Variants in TENM1 observed in about 807,000 individuals in gnomAD.
TENM1 encodes teneurin transmembrane protein 1, also known as teneurin-1.
A neutral mutation model predicts 174.8 loss-of-function variants in TENM1; 35 were observed. That is an observed-to-expected ratio of 0.20 (90% confidence interval 0.15 to 0.27). The LOEUF (loss-of-function observed/expected upper bound fraction) is 0.27, where lower values mean the gene tolerates loss of function less well. Among genes scored for constraint, TENM1 ranks in the 10% least tolerant of loss-of-function variants. TENM1 has a pLI of 1.00. For synonymous variants in TENM1, 781 were observed against 798.7 expected (o/e 0.98, Z 0.37); for missense variants, 1,633 against 2,130.1 (o/e 0.77, Z 4.59).
chrX:124,584,329 C>T (rs1444086644), intron 11 of TENM1, among the ~76,000 whole-genome samples: 3 of 109,980 alleles, frequency 2.7e-5, no homozygotes, highest in Admixed American at 9.6e-5. Context: ...AGACTAACAG[C>T]GGATCTCTCG....
At chrX:124,441,493 A>G (rs1378438005) in intron 23 of TENM1, among the ~76,000 whole-genome samples, 1 of 112,260 alleles carries the variant, frequency 8.9e-6, no homozygotes, top group Non-Finnish European at 1.9e-5. Context: ...GTTGATGTAG[A>G]TTGAGCTCCC....
At chrX:124,975,909 T>G in the TENM1 span, among the ~76,000 whole-genome samples, 1 of 111,232 alleles carries the variant, frequency 9.0e-6, no homozygotes, top group Non-Finnish European at 1.9e-5. Flanking sequence ...CCCAACTTTA[T>G]GACAAAATAG....
intron 27 of TENM1, among the ~76,000 whole-genome samples, chrX:124,393,351 G>T (rs1603248471): frequency 9.0e-6 from 1 of 110,844 alleles, no homozygotes; most frequent in South Asian, 3.8e-4. Flanking sequence ...AGTAACTTCT[G>T]CTATGGGTAG....
intron 3 of TENM1, among the ~76,000 whole-genome samples, chrX:124,811,028 C>T (rs768628095): frequency 9.0e-6 from 1 of 111,058 alleles, no homozygotes; most frequent in African/African-American, 3.3e-5. Context: ...TACCTCATAC[C>T]ATATAGGGAA....
At chrX:125,085,086 T>G in the TENM1 span, among the ~76,000 whole-genome samples, 2 of 110,342 alleles carry the variant, frequency 1.8e-5, no homozygotes, top group Non-Finnish European at 3.8e-5. Context: ...CAAGGAATAG[T>G]GACTCTCTAG....
intron 11 of TENM1, among the ~76,000 whole-genome samples, chrX:124,574,483 C>T (rs755404124): frequency 2.7e-5 from 3 of 111,219 alleles, no homozygotes; most frequent in Admixed American, 9.6e-5. Context: ...AAAGACACCT[C>T]TGATGTAAAA....
intron 1 of TENM1, among the ~76,000 whole-genome samples, chrX:124,930,050 T>C (rs1290121387): frequency 9.1e-6 from 1 of 109,587 alleles, no homozygotes; most frequent in Non-Finnish European, 1.9e-5. Context: ...TAACCTCTAT[T>C]TCCCAGACTC....
intron 27 of TENM1, among the ~76,000 whole-genome samples, chrX:124,397,301 T>G (rs928977401): frequency 1.8e-5 from 2 of 112,315 alleles, no homozygotes. Context: ...ACTACGTTGA[T>G]CTAAAGGCAA....
the TENM1 span, among the ~76,000 whole-genome samples, chrX:124,982,149 C>T: frequency 7.2e-5 from 5 of 69,241 alleles, no homozygotes; most frequent in Non-Finnish European, 4.9e-5. Flanking sequence ...AAGTATTGCC[C>T]GAAAAGGTAA....
intron 1 of TENM1, among the ~76,000 whole-genome samples, chrX:124,915,777 T>C (rs1419718660): frequency 8.9e-6 from 1 of 111,995 alleles, no homozygotes; most frequent in Non-Finnish European, 1.9e-5. Flanking sequence ...TCAGTAAATA[T>C]TCAAGTCTGG....
chrX:124,384,052 G>A, exon 30 of TENM1: 2 of 1,211,579 alleles, frequency 1.7e-6, no homozygotes, highest in African/African-American at 3.5e-5. Flanking sequence ...CCGAGCTTGT[G>A]TGGTTGTACA....
At chrX:124,681,448 AT>A (rs2052231622) in intron 5 of TENM1, among the ~76,000 whole-genome samples, 1 of 111,869 alleles carries the variant, frequency 8.9e-6, no homozygotes, top group South Asian at 3.7e-4. Flanking sequence ...AATGGGGTTG[AT>A]TCATGATCCG....
chrX:124,776,919 T>C (rs2148631408), intron 3 of TENM1, among the ~76,000 whole-genome samples: 1 of 111,419 alleles, frequency 9.0e-6, no homozygotes. Context: ...AATTTAGTTT[T>C]ATTATTTTAT....
chrX:124,444,206 T>C (rs2060941175), intron 23 of TENM1, among the ~76,000 whole-genome samples: 1 of 111,501 alleles, frequency 9.0e-6, no homozygotes, highest in African/African-American at 3.3e-5. Context: ...CTGGGAAGGA[T>C]AGTGAAAATA....
chrX:125,176,266 A>G, the TENM1 span, among the ~76,000 whole-genome samples: 1 of 111,988 alleles, frequency 8.9e-6, no homozygotes, highest in Non-Finnish European at 1.9e-5. Flanking sequence ...AACAACTTGT[A>G]TTATTCTTTA....
intron 11 of TENM1, among the ~76,000 whole-genome samples, chrX:124,603,647 C>G (rs1281753631): frequency 8.9e-6 from 1 of 111,847 alleles, no homozygotes; most frequent in East Asian, 2.8e-4. Context: ...GGATACACCA[C>G]AGTAGTTGGT....
chrX:124,782,083 A>T (rs1193458966), intron 3 of TENM1, among the ~76,000 whole-genome samples: 1 of 111,350 alleles, frequency 9.0e-6, no homozygotes, highest in African/African-American at 3.3e-5. Flanking sequence ...ATGTAGACAA[A>T]CATGGCAACT....
intron 3 of TENM1, among the ~76,000 whole-genome samples, chrX:124,824,542 C>T (rs1195639900): frequency 1.8e-5 from 2 of 112,094 alleles, no homozygotes; most frequent in Non-Finnish European, 3.8e-5. Context: ...GAAAAGTGTG[C>T]TATACCTAAT....
At chrX:124,873,824 C>G (rs1390903136) in intron 3 of TENM1, among the ~76,000 whole-genome samples, 1 of 111,168 alleles carries the variant, frequency 9.0e-6, no homozygotes, top group African/African-American at 3.3e-5. Flanking sequence ...CCATGTACCC[C>G]ATTACTGAGC....
Sources: gnomAD v4.1 joint callset for allele counts (sites outside exome capture counted in the v4.1 genomes callset) on GRCh38, gnomAD v4.1.1 for gene constraint, MANE v1.5 for transcripts, NCBI Gene and HGNC (gene_info 2026-07-23, HGNC 2026-07-21) for gene names.